PARP10: variants seen among roughly 807,000 people sequenced by gnomAD.
PARP10 encodes protein mono-ADP-ribosyltransferase PARP10.
A neutral mutation model predicts 82.4 loss-of-function variants in PARP10; 56 were observed. The ratio of observed to expected loss-of-function variants is 0.68; its 90% confidence interval spans 0.55 to 0.85. The LOEUF (loss-of-function observed/expected upper bound fraction) is 0.85. Ranked by LOEUF, PARP10 falls within the 40% of genes least tolerant of loss-of-function variation. The pLI, the probability that PARP10 is intolerant of heterozygous loss-of-function variation, is 0.00. For missense variants in PARP10, 1,227 were observed against 1,379.4 expected (o/e 0.89, Z 1.75); for synonymous variants, 576 against 601.1 (o/e 0.96, Z 0.61).
At chr8:144,005,283 G>A (rs1371988542) in intron 1 of PARP10, among the ~76,000 whole-genome samples, 3 of 152,072 alleles carry the variant, frequency 2.0e-5, no homozygotes, top group African/African-American at 7.2e-5. Context: ...GGAAATACAG[G>A]AAGTGAGAGG....
rs1833749842 is a variant in PARP10, at chr8:143,978,086, G to A, written c.2557-5C>T. The A allele has an allele frequency of 6.6e-7, 1 of 1,509,020 alleles. No individual in the cohort carries two copies. Among genetic ancestry groups the A allele is most frequent in the Non-Finnish European group, 8.9e-7 (1 of 1,129,764 alleles). The allele number at this position is 1,509,020 out of a possible 1,614,324, so 93.5% of individuals were successfully genotyped here. A position where few individuals can be genotyped will look rare whatever the true frequency, so the allele number is the denominator to read the frequency against. ...CGGGTGCGACACGCGCTCCACCTGC[G>A]GGGAAGGCCCGGGCCAGGATTAAAC... On this transcript the variant is annotated splice_region_variant and splice_polypyrimidine_tract_variant and intron_variant, in intron 9 of 10. Transcript: ENST00000313028.
upstream of PARP10, chr8:143,991,498 G>A: frequency 6.5e-7 from 1 of 1,536,424 alleles, no homozygotes; most frequent in Non-Finnish European, 8.7e-7. Flanking sequence ...TACCCACAGG[G>A]CCCCTACCCC....
At chr8:144,005,871 C>T (rs1299559184) in intron 1 of PARP10, among the ~76,000 whole-genome samples, 1 of 152,178 alleles carries the variant, frequency 6.6e-6, no homozygotes, top group African/African-American at 2.4e-5. Context: ...TTGCCCCCGT[C>T]CCCTCCTCCA....
upstream of PARP10, among the ~76,000 whole-genome samples, chr8:143,995,941 C>G (rs1554751258): frequency 2.0e-5 from 3 of 152,242 alleles, no homozygotes; most frequent in South Asian, 4.1e-4. Flanking sequence ...TAGCCTGGCT[C>G]TAGTCTGTCC....
chr8:144,001,313 G>A (rs1277803671), intron 1 of PARP10, among the ~76,000 whole-genome samples: 5 of 152,176 alleles, frequency 3.3e-5, no homozygotes, highest in African/African-American at 9.6e-5. Context: ...GGAATCCAGC[G>A]ACGCTCCTAC....
At position 144,012,715 on chromosome 8, in the gene PARP10, G is replaced by A. The variant is rs112699293; in HGVS notation, c.-265C>T. The A allele has an allele frequency of 3.3e-3, 5,044 of 1,551,618 alleles. 133 individuals carry two copies. In the African/African-American group the frequency reaches 0.059, roughly 18 times the overall value. ...GAGGCAACAGCAGGCCTTTCCTCAC[G>A]CCAGAACAATGGTAAGAGGCCTCGC... On this transcript the variant is annotated 5_prime_UTR_variant, in exon 1 of 4. Coordinates refer to the PARP10 transcript ENST00000530478.
In PARP10 at chr8:144,007,686, C is replaced by A. The variant is rs548371448; in HGVS notation, c.-80+4844G>T. 1.3e-3 allele frequency among the ~76,000 whole-genome samples: 191 copies of A among 152,222 alleles called. 1 individual carries two copies. The highest frequency in any genetic ancestry group is 4.4e-3 in the African/African-American group (181 of 41,540). ...ATGGGGTGTCAGAAAGACACCCCCC[C>A]ACTCTTGGCAGCTGTGCAGAGAGAG... is the stretch of plus-strand genomic sequence containing the variant. On this transcript the variant is annotated intron_variant, in intron 1 of 3. Coordinates refer to the PARP10 transcript ENST00000530478.
chr8:143,985,767 C>A lies in PARP10; in HGVS notation c.390G>T (p.Arg130=). ...VQPCCALASP[R]PDRALVQLPK... is the part of the protein sequence containing the mutation. ...GCAACTGGACCAGAGCCCGGTCTGG[C>A]CGGGGGCTGGCCAAGGCACAGCAAG... The change falls in exon 3 of 11, where the codon CGG becomes CGT. Residue 130 remains arginine, a synonymous_variant. Coordinates refer to ENST00000313028, the MANE Select transcript of PARP10 (RefSeq NM_032789.5). 1 of 1,611,060 alleles carries A rather than the reference C, an allele frequency of 6.2e-7. No homozygotes were observed.
At chr8:143,989,595 C>T (rs950381491), upstream of PARP10, 1 of 152,024 alleles carries the variant, frequency 6.6e-6, no homozygotes, top group African/African-American at 2.4e-5. The surrounding 1 kb of genome is among the most constrained non-coding windows in gnomAD (Gnocchi z 4.3). Context: ...ACTATGTATC[C>T]ACAAGAATTA....
upstream of PARP10, chr8:143,987,251 C>G (rs1834007213): frequency 6.6e-6 from 1 of 152,500 alleles, no homozygotes; most frequent in African/African-American, 2.4e-5. Context: ...ATCACCCAAG[C>G]TCCGTTTGCT....
intron 1 of PARP10, among the ~76,000 whole-genome samples, chr8:144,007,343 C>A (rs1554752149): frequency 1.3e-5 from 2 of 152,158 alleles, no homozygotes; most frequent in African/African-American, 4.8e-5. Flanking sequence ...GGACTGTCTG[C>A]CTCCCCAGGG....
chr8:143,985,201 G>T lies in PARP10; in HGVS notation c.801C>A (p.Thr267=), dbSNP rs868983383. ...CATGCTTGGTAGCCCTAGGCCCCTG[G>T]GTGGACGGGTGGTCCCCTCCACTGG... ...ENTSGGDHPS[T]QGPRATKHAL... Residue 267 remains threonine (T), a synonymous_variant, in exon 5 of 11, where the codon ACC becomes ACA. Transcript: ENST00000313028. The T allele has an allele frequency of 1.9e-6, 3 of 1,614,106 alleles. No homozygotes were observed. The South Asian group carries it at 3.3e-5, about 18-fold the overall frequency.
At chr8:143,994,720 C>G (rs1834150123), upstream of PARP10, among the ~76,000 whole-genome samples, 1 of 152,244 alleles carries the variant, frequency 6.6e-6, no homozygotes, top group African/African-American at 2.4e-5. Context: ...ACCTTGCCCT[C>G]TGCAGCGGCT....
At chr8:144,005,665 A>G (rs1834231674) in intron 1 of PARP10, among the ~76,000 whole-genome samples, 1 of 150,692 alleles carries the variant, frequency 6.6e-6, no homozygotes, top group South Asian at 2.1e-4. Flanking sequence ...ATTCCCCTCC[A>G]TCTCATTGGC....
Position 143,977,500 on chromosome 8 carries a change from C to G in PARP10, c.3062G>C (p.Arg1021Pro). The change falls in exon 11 of 11, where the codon CGC becomes CCC. Residue 1021 changes from arginine to proline, a missense_variant. Physicochemically the swap from Arg to Pro is moderately radical, Grantham distance 103. Coordinates refer to ENST00000313028, the MANE Select transcript of PARP10 (RefSeq NM_032789.5). ...SPDDPSGLPG[R>P]SPDT ...CCCCTTCGGTTAAGTGTCTGGGGAG[C>G]GGCCCGGGAGCCCAGAGGGGTCGTC... 6.5e-7 allele frequency: 1 copy of G among 1,549,880 alleles called. No individual in the cohort carries two copies. Among genetic ancestry groups the G allele is most frequent in the Non-Finnish European group, 8.7e-7 (1 of 1,146,612 alleles).
intron 10 of PARP10, 37 bp downstream of exon 10, chr8:143,977,870 G>C: frequency 6.3e-7 from 1 of 1,598,130 alleles, no homozygotes; most frequent in South Asian, 1.1e-5. Flanking sequence ...TGGTCGGGGT[G>C]CGCAGAGCCC....
At chr8:143,997,254 T>A (rs1834170576) in intron 1 of PARP10, among the ~76,000 whole-genome samples, 1 of 152,126 alleles carries the variant, frequency 6.6e-6, no homozygotes, top group South Asian at 2.1e-4. Context: ...ATACCTCTTC[T>A]CTCTGCAGGC....
rs1285156278 is a variant in PARP10, at chr8:144,008,712, T to A, written c.-80+3818A>T. On this transcript the variant is annotated intron_variant, in intron 1 of 3. Coordinates refer to the PARP10 transcript ENST00000530478. The surrounding 1 kb of genome is among the most constrained non-coding windows in gnomAD (Gnocchi z 4.0). ...CATAGAGAGGCCCAGTGTCTCTCAC[T>A]CCCCAGACTCTAGCCCCCAGACATG... Among the ~76,000 whole-genome samples, 1 of 152,126 alleles carries A rather than the reference T, an allele frequency of 6.6e-6. No individual in the cohort carries two copies. The highest frequency in any genetic ancestry group is 1.5e-5 in the Non-Finnish European group (1 of 68,020).
At chr8:144,006,888 A>G (rs372276614) in intron 1 of PARP10, among the ~76,000 whole-genome samples, 27 of 152,362 alleles carry the variant, frequency 1.8e-4, no homozygotes, top group African/African-American at 5.3e-4. Flanking sequence ...TTAAGCTGCC[A>G]AGTCCATGGT....
Sources: allele counts gnomAD v4.1 joint callset (sites outside exome capture counted in the v4.1 genomes callset), GRCh38; gene constraint gnomAD v4.1.1; non-coding constraint Gnocchi (gnomAD v3.1); transcripts MANE v1.5; gene names NCBI Gene and HGNC (gene_info 2026-07-23, HGNC 2026-07-21).